The following ARHGEF28 variants were observed in gnomAD, a reference collection of about 807,000 sequenced individuals.
The protein encoded by ARHGEF28 is 190 kDa guanine nucleotide exchange factor.
ARHGEF28 carries 152 observed loss-of-function variants against 206.6 expected under a neutral mutation model. The observed-to-expected ratio is 0.74, with a 90% CI of 0.64 to 0.84. The LOEUF is 0.84. Among genes scored for constraint, ARHGEF28 ranks in the 40% least tolerant of loss-of-function variants. The pLI is 0.00. For synonymous variants in ARHGEF28, 763 were observed against 776.4 expected, an observed-to-expected ratio of 0.98 and a Z score of 0.29; for missense variants, 2,028 against 2,073.2, an observed-to-expected ratio of 0.98 and a Z score of 0.42.
chr5:73,924,409 T>TG (rs1356525915), intron 35 of ARHGEF28, among the ~76,000 whole-genome samples: 1 of 152,242 alleles, frequency 6.6e-6, no homozygotes, highest in African/African-American at 2.4e-5. Flanking sequence ...GTTGGATTTC[T>TG]GATAGTATCT....
chr5:73,642,173 A>G (rs1744156426), intron 1 of ARHGEF28, among the ~76,000 whole-genome samples: 1 of 152,232 alleles, frequency 6.6e-6, no homozygotes, highest in Non-Finnish European at 1.5e-5. Context: ...AACTGATCTG[A>G]AATTTTTCCT....
chr5:73,781,468 A>G (rs1379774385), intron 7 of ARHGEF28, among the ~76,000 whole-genome samples: 2 of 152,098 alleles, frequency 1.3e-5, no homozygotes, highest in Non-Finnish European at 2.9e-5. Flanking sequence ...ATCATTCCTC[A>G]TTTTCCTCAA....
Position 73,699,183 on chromosome 5 carries a change from A to G in ARHGEF28, c.33+14299A>G, listed in dbSNP as rs374933508. 6.9e-3 allele frequency among the ~76,000 whole-genome samples: 1,036 copies of G among 150,012 alleles called. 16 individuals carry two copies. Among genetic ancestry groups the G allele is most frequent in the African/African-American group, 0.024 (995 of 40,842 alleles). ...TGTGTGTGTATGTGTGTGTGTGTGTATGTGTGTTTGTGTGTGTGTGGTGGG... is the reference window on the plus strand; with the variant it reads ...TGTGTGTGTATGTGTGTGTGTGTGTGTGTGTGTTTGTGTGTGTGTGGTGGG... On this transcript the variant is annotated intron_variant, in intron 2 of 35. Transcript: ENST00000513042.
chr5:73,932,871 C>T (rs574626304), intron 35 of ARHGEF28, among the ~76,000 whole-genome samples: 103 of 131,774 alleles, frequency 7.8e-4, no homozygotes, highest in Admixed American at 2.1e-3. Flanking sequence ...TGCAGTGGCG[C>T]GATCTCGGCT....
At chr5:73,705,757 T>C (rs530433699) in intron 2 of ARHGEF28, among the ~76,000 whole-genome samples, 1 of 152,290 alleles carries the variant, frequency 6.6e-6, no homozygotes, top group Admixed American at 6.5e-5. Context: ...TTTTCAGAGA[T>C]TGTGATTTCC....
intron 2 of ARHGEF28, among the ~76,000 whole-genome samples, chr5:73,734,166 T>C (rs1750772297): frequency 6.6e-6 from 1 of 150,596 alleles, no homozygotes; most frequent in African/African-American, 2.4e-5. Flanking sequence ...TATAAGAGGG[T>C]AAAAAAAAGG....
At chr5:73,746,274 G>A (rs1051110257) in intron 2 of ARHGEF28, among the ~76,000 whole-genome samples, 6 of 152,008 alleles carry the variant, frequency 3.9e-5, no homozygotes, top group East Asian at 3.8e-4. Flanking sequence ...TACACTTAAC[G>A]AACAGTAGAT....
chr5:73,732,213 C>G (rs1347799717), intron 2 of ARHGEF28, among the ~76,000 whole-genome samples: 3 of 152,066 alleles, frequency 2.0e-5, no homozygotes, highest in African/African-American at 7.2e-5. Context: ...TGTGCTCTGC[C>G]TATTCATCCC....
At chr5:73,687,646 A>G (rs555819850) in intron 2 of ARHGEF28, among the ~76,000 whole-genome samples, 100 of 152,120 alleles carry the variant, frequency 6.6e-4, no homozygotes, top group African/African-American at 2.3e-3. Flanking sequence ...CTGCCCTTCT[A>G]TCTTCAGAGG....
chr5:73,728,734 G>A (rs545471211), intron 2 of ARHGEF28, among the ~76,000 whole-genome samples: 1 of 152,154 alleles, frequency 6.6e-6, no homozygotes, highest in Non-Finnish European at 1.5e-5. Context: ...GCTGCCAAAC[G>A]ACTCCAGGTT....
intron 10 of ARHGEF28, among the ~76,000 whole-genome samples, chr5:73,836,401 C>T (rs2872172): frequency 0.06 from 8,982 of 149,684 alleles, 419 homozygotes; most frequent in African/African-American, 0.12. Flanking sequence ...TGATTAGTGA[C>T]GTTGAGCACT....
chr5:73,863,721 G>A (rs1341214896), intron 16 of ARHGEF28, among the ~76,000 whole-genome samples: 2 of 151,194 alleles, frequency 1.3e-5, no homozygotes, highest in African/African-American at 2.4e-5. Context: ...TCTTCTGGTG[G>A]GTTGTTGGTG....
intron 10 of ARHGEF28, among the ~76,000 whole-genome samples, chr5:73,838,395 A>G (rs1050137695): frequency 1.3e-5 from 2 of 152,226 alleles, no homozygotes; most frequent in African/African-American, 4.8e-5. Flanking sequence ...TCAACCTGGC[A>G]AGGAAACCTA....
chr5:73,900,243 A>G (rs1214110707), intron 30 of ARHGEF28: 1 of 152,254 alleles, frequency 6.6e-6, no homozygotes, highest in Non-Finnish European at 1.5e-5. Flanking sequence ...TATATTGGAA[A>G]TAAAGTTTTA....
chr5:73,831,495 C>T (rs919765893), intron 9 of ARHGEF28, among the ~76,000 whole-genome samples: 14 of 152,168 alleles, frequency 9.2e-5, no homozygotes, highest in Non-Finnish European at 2.1e-4. Flanking sequence ...AAATTCTCCA[C>T]GTGTGAGATT....
chr5:73,864,949 T>A, intron 17 of ARHGEF28, 77 bp downstream of exon 17: 6 of 1,310,238 alleles, frequency 4.6e-6, no homozygotes, highest in African/African-American at 1.5e-5. Context: ...TACTCTTTTT[T>A]ATTACCATCT....
intron 18 of ARHGEF28, among the ~76,000 whole-genome samples, chr5:73,867,172 G>C (rs1759758573): frequency 6.6e-6 from 1 of 152,146 alleles, no homozygotes; most frequent in Non-Finnish European, 1.5e-5. Flanking sequence ...TTTAACTTAT[G>C]CACGTGTAAA....
chr5:73,872,585 A>T (rs988759393), intron 21 of ARHGEF28, among the ~76,000 whole-genome samples: 1 of 152,184 alleles, frequency 6.6e-6, no homozygotes, highest in Non-Finnish European at 1.5e-5. Context: ...CATTCATTTC[A>T]CCAAATTAAT....
At chr5:73,902,246 A>C (rs1208275675) in intron 31 of ARHGEF28, 1 of 152,208 alleles carries the variant, frequency 6.6e-6, no homozygotes, top group Non-Finnish European at 1.5e-5. Context: ...TAGGAATGTA[A>C]TATTTTACTC....
Sources: gnomAD v4.1 joint callset for allele counts (sites outside exome capture counted in the v4.1 genomes callset) on GRCh38, gnomAD v4.1.1 for gene constraint, MANE v1.5 for transcripts, NCBI Gene and HGNC (gene_info 2026-07-23, HGNC 2026-07-21) for gene names.